Variants in SGCZ observed in about 807,000 individuals in gnomAD.
The protein encoded by SGCZ is zeta-sarcoglycan.
A neutral mutation model predicts 41.3 loss-of-function variants in SGCZ; 40 were observed. That is an observed-to-expected ratio of 0.97 (90% CI 0.75 to 1.26). The LOEUF (loss-of-function observed/expected upper bound fraction) is 1.26. SGCZ is among the 50% of genes most tolerant of loss of function. SGCZ has a pLI of 0.00. For synonymous variants in SGCZ, 206 were observed against 137.5 expected (o/e 1.50, Z -3.49); for missense variants, 552 against 369.8 (o/e 1.49, Z -4.04).
At chr8:14,319,830 G>A (rs568188585) in intron 3 of SGCZ, among the ~76,000 whole-genome samples, 4 of 151,958 alleles carry the variant, frequency 2.6e-5, no homozygotes, top group South Asian at 2.1e-4. Flanking sequence ...ACACTGCAGG[G>A]AGTTAAGAAA....
At chr8:15,045,484 C>T (rs887117898) in intron 1 of SGCZ, among the ~76,000 whole-genome samples, 2 of 152,004 alleles carry the variant, frequency 1.3e-5, no homozygotes, top group African/African-American at 4.8e-5. Flanking sequence ...CAGTAATAAC[C>T]AAGTTGCTTT....
intron 2 of SGCZ, among the ~76,000 whole-genome samples, chr8:14,477,935 C>T (rs1801408089): frequency 1.3e-5 from 2 of 152,178 alleles, no homozygotes; most frequent in Non-Finnish European, 1.5e-5. Flanking sequence ...AAGGAACTCA[C>T]TAAAGATTGT....
intron 1 of SGCZ, among the ~76,000 whole-genome samples, chr8:15,175,748 T>C (rs1799978010): frequency 6.6e-6 from 1 of 152,130 alleles, no homozygotes; most frequent in South Asian, 2.1e-4. Context: ...AAAATTTAGA[T>C]GCAACTTCAA....
rs139828663 is a variant in SGCZ, at chr8:14,173,569, A to G, written c.425-8867T>C. 6.2e-4 allele frequency among the ~76,000 whole-genome samples: 94 copies of G among 152,254 alleles called. 1 individual carries two copies. The highest frequency in any genetic ancestry group is 2.1e-3 in the African/African-American group (89 of 41,560). On this transcript the variant is annotated intron_variant, in intron 4 of 7. Transcript: ENST00000382080. ...GGTGTGTATAACAACTCTCCAAATG[A>G]AGCAGCAGAGATAAATGAAGACTAG...
intron 1 of SGCZ, among the ~76,000 whole-genome samples, chr8:15,200,073 T>G (rs1800845833): frequency 6.6e-6 from 1 of 152,180 alleles, no homozygotes; most frequent in Non-Finnish European, 1.5e-5. Context: ...TTTAGGAAAA[T>G]TCTTTAACCA....
chr8:14,936,233 C>T (rs1800077960), intron 1 of SGCZ, among the ~76,000 whole-genome samples: 3 of 151,950 alleles, frequency 2.0e-5, no homozygotes. Flanking sequence ...ACAGATGCTC[C>T]TTGACTTACA....
intron 5 of SGCZ, among the ~76,000 whole-genome samples, chr8:14,143,765 T>C (rs1353355214): frequency 6.6e-6 from 1 of 151,966 alleles, no homozygotes; most frequent in Non-Finnish European, 1.5e-5. Flanking sequence ...AATGCCACCC[T>C]TCCCCTCTAC....
chr8:14,514,074 C>T (rs10046763), intron 2 of SGCZ, among the ~76,000 whole-genome samples: 2,695 of 152,082 alleles, frequency 0.018, 45 homozygotes, highest in African/African-American at 0.042. Flanking sequence ...TTGGTGATAG[C>T]AGCATAGGTT....
chr8:14,206,600 T>C (rs1434411345), intron 4 of SGCZ, among the ~76,000 whole-genome samples: 2 of 152,192 alleles, frequency 1.3e-5, no homozygotes, highest in African/African-American at 4.8e-5. Context: ...AAATTTATGA[T>C]GTGACTTTTA....
At chr8:14,222,068 C>T (rs564919829) in intron 4 of SGCZ, among the ~76,000 whole-genome samples, 2 of 152,280 alleles carry the variant, frequency 1.3e-5, no homozygotes, top group South Asian at 4.1e-4. Flanking sequence ...CTATTGCCAC[C>T]ACCTACTGTA....
chr8:14,369,027 G>GTGTGTGTC (rs749936107), intron 2 of SGCZ, among the ~76,000 whole-genome samples: 2 of 137,174 alleles, frequency 1.5e-5, no homozygotes, highest in Non-Finnish European at 3.2e-5. Context: ...GTAAATGTGT[G>GTGTGTGTC]TGTGTGTGTG....
At chr8:15,157,510 T>C (rs188639900) in intron 1 of SGCZ, among the ~76,000 whole-genome samples, 23 of 152,254 alleles carry the variant, frequency 1.5e-4, no homozygotes, top group African/African-American at 5.3e-4. Flanking sequence ...CAAGAACCAT[T>C]TGGAGTTCAT....
chr8:14,268,080 T>C lies in SGCZ; in HGVS notation c.337-30401A>G, dbSNP rs555974961. On this transcript the variant is annotated intron_variant, in intron 3 of 7. Transcript: ENST00000382080. ...TTTGGGAAATTATGTTTACTGTTTA[T>C]ATTTCTGCAAATTTGCTGTTTCAGT... 3.7e-4 allele frequency among the ~76,000 whole-genome samples: 18 copies of C among 48,230 alleles called. No homozygotes were observed. In the South Asian group the frequency reaches 0.018, roughly 49 times the overall value. 31.6% of individuals were successfully genotyped at this position (48,230 alleles called of 152,430 possible). A position where few individuals can be genotyped will look rare whatever the true frequency, so the allele number is the denominator to read the frequency against.
At chr8:14,604,525 C>T (rs1805687805) in intron 1 of SGCZ, among the ~76,000 whole-genome samples, 1 of 152,014 alleles carries the variant, frequency 6.6e-6, no homozygotes, top group African/African-American at 2.4e-5. Flanking sequence ...GTACAATAAA[C>T]TCTAACAATG....
intron 1 of SGCZ, among the ~76,000 whole-genome samples, chr8:14,902,120 C>G (rs888553928): frequency 6.6e-6 from 1 of 152,110 alleles, no homozygotes; most frequent in African/African-American, 2.4e-5. Context: ...TGATTCACTC[C>G]TTAGCTCTGG....
intron 1 of SGCZ, among the ~76,000 whole-genome samples, chr8:15,110,915 C>T (rs1054441823): frequency 2.6e-5 from 4 of 152,058 alleles, no homozygotes; most frequent in Non-Finnish European, 5.9e-5. Flanking sequence ...TTGCAGTGAG[C>T]TGAGGTCGCG....
chr8:14,692,823 T>A (rs1808841547), intron 1 of SGCZ, among the ~76,000 whole-genome samples: 1 of 152,304 alleles, frequency 6.6e-6, no homozygotes, highest in Middle Eastern at 3.4e-3. Flanking sequence ...ATAAAAACTA[T>A]TCAGGAAAAT....
chr8:14,633,979 A>C (rs903475136), intron 1 of SGCZ, among the ~76,000 whole-genome samples: 4 of 151,902 alleles, frequency 2.6e-5, no homozygotes, highest in Non-Finnish European at 5.9e-5. Context: ...CACTTGGTTG[A>C]GATCCAAGAC....
intron 1 of SGCZ, among the ~76,000 whole-genome samples, chr8:14,633,565 A>C (rs1049153708): frequency 2.6e-5 from 4 of 151,926 alleles, no homozygotes; most frequent in Non-Finnish European, 5.9e-5. Context: ...AATTACAGGA[A>C]CTATATTTTA....
Sources: allele counts gnomAD v4.1 joint callset (sites outside exome capture counted in the v4.1 genomes callset), GRCh38; gene constraint gnomAD v4.1.1; transcripts MANE v1.5; gene names NCBI Gene and HGNC (gene_info 2026-07-23, HGNC 2026-07-21).